BMAL1: variants seen among roughly 807,000 people sequenced by gnomAD.
The protein encoded by BMAL1 is basic helix-loop-helix ARNT-like protein 1.
At chr11:13,291,630 C>G in the BMAL1 span, among the ~76,000 whole-genome samples, 1 of 152,188 alleles carries the variant, frequency 6.6e-6, no homozygotes, top group Admixed American at 6.5e-5. Context: ...TTAATTCACT[C>G]TCTATTCAAG....
chr11:13,363,937 T>C, the BMAL1 span, among the ~76,000 whole-genome samples: 1 of 152,206 alleles, frequency 6.6e-6, no homozygotes, highest in Non-Finnish European at 1.5e-5. Flanking sequence ...CCCTCGCTGA[T>C]GCATTCACTG....
At chr11:13,348,535 G>A in the BMAL1 span, among the ~76,000 whole-genome samples, 1 of 152,070 alleles carries the variant, frequency 6.6e-6, no homozygotes, top group East Asian at 1.9e-4. Context: ...GGGTGTGGGA[G>A]GAAGAGAGGA....
At chr11:13,374,039 C>T in the BMAL1 span, 1 of 1,520,696 alleles carries the variant, frequency 6.6e-7, no homozygotes, top group Middle Eastern at 1.7e-4. Flanking sequence ...TGCAAAGTTG[C>T]AATTAATCAT....
the BMAL1 span, chr11:13,355,149 A>G: frequency 1.1e-5 from 15 of 1,324,072 alleles, no homozygotes; most frequent in Non-Finnish European, 1.5e-5. Context: ...TGTCCATTTA[A>G]GAGGTTTTCT....
chr11:13,342,240 AG>A, the BMAL1 span, among the ~76,000 whole-genome samples: 4 of 152,218 alleles, frequency 2.6e-5, no homozygotes, highest in African/African-American at 9.6e-5. Flanking sequence ...GGACAGTGCC[AG>A]GCCAGTGAGC....
chr11:13,376,619 T>C, the BMAL1 span: 1 of 1,613,208 alleles, frequency 6.2e-7, no homozygotes, highest in Non-Finnish European at 8.5e-7. Context: ...TCACGTTTCC[T>C]TATTGCTGGG....
the BMAL1 span, among the ~76,000 whole-genome samples, chr11:13,327,863 A>G: frequency 7.2e-5 from 11 of 152,406 alleles, no homozygotes; most frequent in African/African-American, 2.2e-4. Flanking sequence ...ATACAAGCCC[A>G]GCATTTTTCA....
chr11:13,381,557 T>C, the BMAL1 span, among the ~76,000 whole-genome samples: 7 of 152,206 alleles, frequency 4.6e-5, no homozygotes, highest in East Asian at 3.8e-4. Flanking sequence ...GGAAAGATTA[T>C]TGAGTACCTC....
chr11:13,295,766 G>C, the BMAL1 span, among the ~76,000 whole-genome samples: 1 of 152,120 alleles, frequency 6.6e-6, no homozygotes, highest in Non-Finnish European at 1.5e-5. Flanking sequence ...TTGTCTGAAG[G>C]CAAGCTTATA....
chr11:13,303,910 G>A, the BMAL1 span, among the ~76,000 whole-genome samples: 1 of 152,172 alleles, frequency 6.6e-6, no homozygotes, highest in Non-Finnish European at 1.5e-5. Flanking sequence ...TGCAGCGAGT[G>A]AGGTGAAGAA....
At chr11:13,327,420 C>T in the BMAL1 span, among the ~76,000 whole-genome samples, 109 of 152,236 alleles carry the variant, frequency 7.2e-4, 2 homozygotes, top group African/African-American at 2.1e-3. Context: ...CCCTGCCTGG[C>T]TCCAAAGATT....
the BMAL1 span, chr11:13,365,520 T>C: frequency 6.2e-7 from 1 of 1,613,396 alleles, no homozygotes; most frequent in Non-Finnish European, 8.5e-7. Context: ...GATTTTTGTT[T>C]GTCGTAGGAT....
the BMAL1 span, among the ~76,000 whole-genome samples, chr11:13,285,548 A>G: frequency 0.27 from 41,302 of 152,074 alleles, 5,720 homozygotes; most frequent in East Asian, 0.46. Context: ...TGACATTTGA[A>G]CTTAGCTTCA....
chr11:13,378,282 A>G, the BMAL1 span: 1 of 1,522,612 alleles, frequency 6.6e-7, no homozygotes, highest in Non-Finnish European at 8.8e-7. Flanking sequence ...TTAATACATA[A>G]TAGTATTTCT....
At chr11:13,312,795 C>T in the BMAL1 span, among the ~76,000 whole-genome samples, 1 of 152,102 alleles carries the variant, frequency 6.6e-6, no homozygotes, top group South Asian at 2.1e-4. Context: ...TTTATTGCTT[C>T]GAATGCACCA....
chr11:13,347,742 T>G, the BMAL1 span, among the ~76,000 whole-genome samples: 4 of 152,044 alleles, frequency 2.6e-5, no homozygotes, highest in African/African-American at 7.2e-5. Flanking sequence ...CCCAGCTACA[T>G]GACAAACTGA....
At chr11:13,278,148 C>A in the BMAL1 span, among the ~76,000 whole-genome samples, 2 of 152,208 alleles carry the variant, frequency 1.3e-5, no homozygotes, top group Non-Finnish European at 2.9e-5. Flanking sequence ...CCGCGCCCGT[C>A]CGCCCCCATC....
chr11:13,344,670 G>A, the BMAL1 span, among the ~76,000 whole-genome samples: 1 of 152,208 alleles, frequency 6.6e-6, no homozygotes, highest in African/African-American at 2.4e-5. Flanking sequence ...AGCAAGGCTC[G>A]CCACAGGCTG....
the BMAL1 span, among the ~76,000 whole-genome samples, chr11:13,360,846 TG>T: frequency 1.4e-4 from 21 of 152,292 alleles, no homozygotes; most frequent in Admixed American, 6.5e-4. Flanking sequence ...ATAACAAAAC[TG>T]TGGCTCACGC....
Sources: gnomAD v4.1 joint callset for allele counts (sites outside exome capture counted in the v4.1 genomes callset) on GRCh38, gnomAD v4.1.1 for gene constraint, MANE v1.5 for transcripts, NCBI Gene and HGNC (gene_info 2026-07-23, HGNC 2026-07-21) for gene names.